MACROD2: variants seen among roughly 807,000 people sequenced by gnomAD.
The protein encoded by MACROD2 is mono-ADP ribosylhydrolase 2, also known as ADP-ribose glycohydrolase MACROD2.
A neutral mutation model predicts 70.4 loss-of-function variants in MACROD2; 36 were observed. The ratio of observed to expected loss-of-function variants is 0.51; its 90% CI spans 0.39 to 0.68. The LOEUF (loss-of-function observed/expected upper bound fraction) is 0.68, where lower values mean the gene tolerates loss of function less well. Among genes scored for constraint, MACROD2 ranks in the 30% least tolerant of loss-of-function variants. The pLI is 0.00. For synonymous variants in MACROD2, 172 were observed against 178.8 expected (o/e 0.96, Z 0.30); for missense variants, 496 against 538.4 (o/e 0.92, Z 0.78).
intron 8 of MACROD2, among the ~76,000 whole-genome samples, chr20:15,778,766 T>TATC (rs991294363): frequency 6.6e-6 from 1 of 152,054 alleles, no homozygotes; most frequent in African/African-American, 2.4e-5. Flanking sequence ...GAGGATTTAT[T>TATC]ATCTATAAAC....
intron 8 of MACROD2, among the ~76,000 whole-genome samples, chr20:15,629,997 A>G (rs1264258090): frequency 1.3e-5 from 2 of 152,060 alleles, no homozygotes; most frequent in Admixed American, 6.5e-5. Flanking sequence ...TTCCGTTCTC[A>G]TTCTTTTTCT....
intron 7 of MACROD2, among the ~76,000 whole-genome samples, chr20:15,465,974 T>C (rs866808208): frequency 6.6e-6 from 1 of 152,212 alleles, no homozygotes; most frequent in African/African-American, 2.4e-5. Context: ...CCAGCTGCCA[T>C]AGAGTTTTTA....
intron 5 of MACROD2, among the ~76,000 whole-genome samples, chr20:14,781,303 G>A (rs2072297590): frequency 6.6e-6 from 1 of 151,588 alleles, no homozygotes; most frequent in African/African-American, 2.4e-5. Flanking sequence ...TATTCTATAG[G>A]CATTTCTGTA....
At chr20:14,211,868 G>T (rs962965771) in intron 3 of MACROD2, among the ~76,000 whole-genome samples, 2 of 152,080 alleles carry the variant, frequency 1.3e-5, no homozygotes, top group Non-Finnish European at 2.9e-5. Context: ...TCACTACAGT[G>T]CTAGCTTCAG....
intron 3 of MACROD2, among the ~76,000 whole-genome samples, chr20:14,347,448 T>A (rs901936568): frequency 6.6e-6 from 1 of 152,154 alleles, no homozygotes; most frequent in African/African-American, 2.4e-5. Context: ...CTAATAATGA[T>A]AATAGCATGA....
At chr20:15,041,371 A>G (rs906124004) in intron 5 of MACROD2, among the ~76,000 whole-genome samples, 10 of 152,170 alleles carry the variant, frequency 6.6e-5, no homozygotes, top group Non-Finnish European at 1.0e-4. Context: ...CCAACTTTAG[A>G]AAGTCATGTA....
intron 6 of MACROD2, among the ~76,000 whole-genome samples, chr20:15,240,635 A>G (rs1029737022): frequency 1.3e-5 from 2 of 152,214 alleles, no homozygotes; most frequent in African/African-American, 4.8e-5. Flanking sequence ...TAACTGGGTG[A>G]TGGGCAGGTT....
At chr20:14,708,586 A>T (rs2071298498) in intron 5 of MACROD2, among the ~76,000 whole-genome samples, 1 of 151,938 alleles carries the variant, frequency 6.6e-6, no homozygotes, top group Admixed American at 6.6e-5. Context: ...TTTAAAACTT[A>T]TTTCAGGGCT....
At chr20:15,996,342 A>G (rs1046284430) in intron 15 of MACROD2, among the ~76,000 whole-genome samples, 4 of 152,156 alleles carry the variant, frequency 2.6e-5, no homozygotes. Context: ...CGGTATCAAC[A>G]TAATGCTGGC....
chr20:15,140,656 G>A (rs1324384792), intron 5 of MACROD2, among the ~76,000 whole-genome samples: 1 of 152,098 alleles, frequency 6.6e-6, no homozygotes, highest in Non-Finnish European at 1.5e-5. Flanking sequence ...GTGAGGCTGG[G>A]CTGGCAATAG....
chr20:14,207,248 C>T (rs1441125222), intron 3 of MACROD2, among the ~76,000 whole-genome samples: 1 of 152,082 alleles, frequency 6.6e-6, no homozygotes. Context: ...CAGGCACATG[C>T]CCCTACGCCC....
chr20:15,261,192 G>A, intron 6 of MACROD2, among the ~76,000 whole-genome samples: 1 of 151,840 alleles, frequency 6.6e-6, no homozygotes, highest in Non-Finnish European at 1.5e-5. Flanking sequence ...TTGACTGTTG[G>A]CAGTCGATCA....
At chr20:15,809,173 A>T (rs893472050) in intron 8 of MACROD2, among the ~76,000 whole-genome samples, 1 of 152,094 alleles carries the variant, frequency 6.6e-6, no homozygotes, top group African/African-American at 2.4e-5. Context: ...CCCAAAGTAG[A>T]TTTTCAGTGC....
intron 7 of MACROD2, among the ~76,000 whole-genome samples, chr20:15,463,584 T>C (rs2046846753): frequency 6.6e-6 from 1 of 152,020 alleles, no homozygotes; most frequent in Non-Finnish European, 1.5e-5. Flanking sequence ...ACCCCGTCTC[T>C]ACTAAAAATG....
At chr20:14,086,077 T>C (rs766044675) in intron 3 of MACROD2, 1 of 240,972 alleles carries the variant, frequency 4.1e-6, no homozygotes, top group Non-Finnish European at 8.5e-6. Context: ...AAATACAAGC[T>C]CATCAAGCTT....
intron 15 of MACROD2, among the ~76,000 whole-genome samples, chr20:16,023,183 GA>G (rs11476958): frequency 0.14 from 21,419 of 151,984 alleles, 1,571 homozygotes; most frequent in African/African-American, 0.15. Context: ...GAAGATATAA[GA>G]GATGGTGCCA....
chr20:14,796,387 G>A (rs1489569208), intron 5 of MACROD2, among the ~76,000 whole-genome samples: 1 of 152,018 alleles, frequency 6.6e-6, no homozygotes, highest in East Asian at 1.9e-4. Context: ...ACAGACAAGA[G>A]GTACTTCATC....
intron 6 of MACROD2, among the ~76,000 whole-genome samples, chr20:15,266,541 T>C (rs2077296294): frequency 6.6e-6 from 1 of 152,216 alleles, no homozygotes; most frequent in African/African-American, 2.4e-5. Flanking sequence ...CCTCAGCAGC[T>C]CTTCTCTTAC....
At chr20:15,409,552 G>A (rs1470471032) in intron 6 of MACROD2, among the ~76,000 whole-genome samples, 2 of 152,232 alleles carry the variant, frequency 1.3e-5, no homozygotes, top group African/African-American at 4.8e-5. Flanking sequence ...CTCATTTGAG[G>A]TGAGGTTTCC....
Sources: gnomAD v4.1 joint callset for allele counts (sites outside exome capture counted in the v4.1 genomes callset) on GRCh38, gnomAD v4.1.1 for gene constraint, MANE v1.5 for transcripts, NCBI Gene and HGNC (gene_info 2026-07-23, HGNC 2026-07-21) for gene names.